TTBK2: variants seen among roughly 807,000 people sequenced by gnomAD.
The protein encoded by TTBK2 is tau tubulin kinase 2.
A neutral mutation model predicts 110.8 loss-of-function variants in TTBK2; 28 were observed. The observed-to-expected ratio is 0.25, with a 90% CI of 0.19 to 0.35. The LOEUF (loss-of-function observed/expected upper bound fraction) is 0.35, where lower values mean the gene tolerates loss of function less well. Among genes scored for constraint, TTBK2 ranks in the 10% least tolerant of loss-of-function variants. The pLI, the probability that TTBK2 is intolerant of heterozygous loss-of-function variation, is 1.00. For missense variants in TTBK2, 1,369 were observed against 1,500.3 expected (o/e 0.91, Z 1.45); for synonymous variants, 532 against 527.3 (o/e 1.01, Z -0.12).
intron 5 of TTBK2, among the ~76,000 whole-genome samples, chr15:42,829,685 C>A (rs1248700931): frequency 6.6e-6 from 1 of 152,268 alleles, no homozygotes; most frequent in East Asian, 1.9e-4. Context: ...TGGGCATGTG[C>A]CACTGCCCCA....
intron 3 of TTBK2, among the ~76,000 whole-genome samples, chr15:42,866,380 C>T (rs1894373624): frequency 6.6e-6 from 1 of 152,066 alleles, no homozygotes; most frequent in African/African-American, 2.4e-5. Context: ...TATCTAGAAA[C>T]ATGCATGCAT....
intron 1 of TTBK2, among the ~76,000 whole-genome samples, chr15:42,915,175 C>T (rs1287024763): frequency 6.6e-5 from 10 of 152,308 alleles, no homozygotes; most frequent in African/African-American, 1.7e-4. Context: ...ACAATTCATA[C>T]GTTTTAAATT....
At position 42,828,061 on chromosome 15, in the gene TTBK2, C is replaced by T. The variant is rs773168900; in HGVS notation, c.433-29G>A. On this transcript the variant is annotated intron_variant, in intron 5 of 14. Coordinates refer to ENST00000267890, the MANE Select transcript of TTBK2 (RefSeq NM_173500.4). ...GAAAAATAAAGAAGGAAAATATATA[C>T]ATTCTTATAATACTTAGTCCTTACA... 23 of 1,519,306 alleles carry T rather than the reference C, an allele frequency of 1.5e-5. No homozygotes were observed. In the East Asian group the frequency reaches 5.1e-4, roughly 34 times the overall value. 94.1% of individuals were successfully genotyped at this position (1,519,306 alleles called of 1,614,324 possible). A position where few individuals can be genotyped will look rare whatever the true frequency, so the allele number is the denominator to read the frequency against.
intron 3 of TTBK2, chr15:42,855,292 T>G (rs1330369177): frequency 6.6e-6 from 1 of 152,114 alleles, no homozygotes; most frequent in Non-Finnish European, 1.5e-5. Flanking sequence ...TAAAACCTAT[T>G]GAGAGAAGTG....
intron 13 of TTBK2, among the ~76,000 whole-genome samples, chr15:42,754,085 C>CT (rs68057465): frequency 1.1e-3 from 142 of 132,204 alleles, no homozygotes; most frequent in South Asian, 2.9e-3. Context: ...CTAATGTTTT[C>CT]TTTTTTTTTT....
intron 3 of TTBK2, among the ~76,000 whole-genome samples, chr15:42,851,007 C>T (rs554145062): frequency 2.0e-5 from 3 of 151,564 alleles, no homozygotes; most frequent in South Asian, 2.1e-4. Context: ...GGGTGGATCA[C>T]GAGGTCAGGA....
rs180743169 is a variant in TTBK2, at chr15:42,919,844, A to G, written c.-68+594T>C. 32 of 985,218 alleles carry G rather than the reference A, an allele frequency of 3.2e-5. No individual in the cohort carries two copies. The African/African-American group carries it at 5.4e-4, about 17-fold the overall frequency. 61.0% of individuals were successfully genotyped at this position (985,218 alleles called of 1,614,324 possible). A position where few individuals can be genotyped will look rare whatever the true frequency, so the allele number is the denominator to read the frequency against. On this transcript the variant is annotated intron_variant, in intron 1 of 14. Transcript: ENST00000267890. Reference sequence around the variant, plus strand: ...TCCCAATGGATTATTTACTTCTCCGATTTGACAGAACATATACGTGAGTCT... The same window carrying G: ...TCCCAATGGATTATTTACTTCTCCGGTTTGACAGAACATATACGTGAGTCT...
intron 7 of TTBK2, among the ~76,000 whole-genome samples, chr15:42,816,670 T>C (rs1395208920): frequency 6.6e-6 from 1 of 151,998 alleles, no homozygotes; most frequent in Non-Finnish European, 1.5e-5. Context: ...AAGAAGTCAA[T>C]CTCACCTTGG....
intron 1 of TTBK2, among the ~76,000 whole-genome samples, chr15:42,919,009 G>A (rs538223627): frequency 6.6e-6 from 1 of 152,238 alleles, no homozygotes; most frequent in South Asian, 2.1e-4. Context: ...CTGGAAGAGG[G>A]AAGAAAGCAT....
Position 42,859,854 on chromosome 15 carries a change from G to A in TTBK2, c.217+12757C>T, listed in dbSNP as rs189700804. ...ATAAGGTAGACAGCATGCAAGAAGA[G>A]GTGGGTAATGTAAGCAGAGATGAAA... On this transcript the variant is annotated intron_variant, in intron 3 of 14. Coordinates refer to ENST00000267890, the MANE Select transcript of TTBK2 (RefSeq NM_173500.4). Among the ~76,000 whole-genome samples, 6 of 152,230 alleles carry A rather than the reference G, an allele frequency of 3.9e-5. No homozygotes were observed. In the East Asian group the frequency reaches 1.2e-3, roughly 29 times the overall value.
intron 1 of TTBK2, among the ~76,000 whole-genome samples, chr15:42,887,708 T>A (rs1205453188): frequency 6.6e-6 from 1 of 152,186 alleles, no homozygotes; most frequent in Non-Finnish European, 1.5e-5. Flanking sequence ...AACCCATTAT[T>A]CTGTTCTAGA....
chr15:42,791,261 G>A lies in TTBK2; in HGVS notation c.980+3383C>T, dbSNP rs148555569. On this transcript the variant is annotated intron_variant, in intron 10 of 14. Transcript: ENST00000267890. ...TCTCGAACTCCTGACTTTGTGACTC[G>A]CCTGCCTCAGCCTCCCAAACTGCTG... 2.4e-3 allele frequency among the ~76,000 whole-genome samples: 366 copies of A among 151,658 alleles called. 2 individuals carry two copies. The highest frequency in any genetic ancestry group is 8.5e-3 in the African/African-American group (353 of 41,360).
chr15:42,789,072 TTTTA>T (rs1170809054), intron 10 of TTBK2, among the ~76,000 whole-genome samples: 1 of 152,206 alleles, frequency 6.6e-6, no homozygotes, highest in African/African-American at 2.4e-5. Flanking sequence ...ACAATTTTAT[TTTTA>T]TTTATGTCCA....
intron 9 of TTBK2, among the ~76,000 whole-genome samples, chr15:42,808,811 A>C (rs1891587558): frequency 6.6e-6 from 1 of 152,208 alleles, no homozygotes; most frequent in East Asian, 1.9e-4. Flanking sequence ...GTTTGCACCA[A>C]CTGCACTCTA....
At chr15:42,831,022 ATGTGTGTG>A (rs67420749) in intron 4 of TTBK2, among the ~76,000 whole-genome samples, 5 of 145,446 alleles carry the variant, frequency 3.4e-5, no homozygotes, top group African/African-American at 7.6e-5. Flanking sequence ...AAATGTATAT[ATGTGTGTG>A]TGTGTGTGTG....
chr15:42,846,329 A>G (rs1893464676), intron 3 of TTBK2, among the ~76,000 whole-genome samples: 1 of 151,948 alleles, frequency 6.6e-6, no homozygotes. Flanking sequence ...AGCTGGGATT[A>G]CAGGCGTGCA....
chr15:42,879,704 C>CA (rs1036336041), intron 1 of TTBK2, among the ~76,000 whole-genome samples: 28 of 150,380 alleles, frequency 1.9e-4, no homozygotes, highest in African/African-American at 5.6e-4. Flanking sequence ...TACTCAATAG[C>CA]AAAAAAAACA....
chr15:42,906,593 G>A (rs2030413806), intron 1 of TTBK2, among the ~76,000 whole-genome samples: 1 of 151,972 alleles, frequency 6.6e-6, no homozygotes, highest in Non-Finnish European at 1.5e-5. Context: ...AAAACACTGG[G>A]GAAACACACC....
intron 14 of TTBK2, among the ~76,000 whole-genome samples, chr15:42,747,436 C>T (rs548805640): frequency 6.0e-4 from 91 of 152,238 alleles, no homozygotes; most frequent in African/African-American, 2.1e-3. Flanking sequence ...GGAGCAGTTT[C>T]GTGGAAGACA....
Sources: gnomAD v4.1 joint callset for allele counts (sites outside exome capture counted in the v4.1 genomes callset) on GRCh38, gnomAD v4.1.1 for gene constraint, MANE v1.5 for transcripts, NCBI Gene and HGNC (gene_info 2026-07-23, HGNC 2026-07-21) for gene names.